DUSP16: variants seen among roughly 807,000 people sequenced by gnomAD.
DUSP16 encodes dual specificity phosphatase 16.
Under a neutral mutation model 58.3 loss-of-function variants are expected in DUSP16, and 21 were observed. The ratio of observed to expected loss-of-function variants is 0.36; its 90% CI spans 0.26 to 0.52. DUSP16 has a LOEUF of 0.52. DUSP16 is among the 20% of genes least tolerant of loss of function. The pLI is 0.94. For synonymous variants in DUSP16, 320 were observed against 323.8 expected (o/e 0.99, Z 0.12); for missense variants, 726 against 819.0 (o/e 0.89, Z 1.39).
At chr12:12,510,206 A>G (rs1273054158) in intron 3 of DUSP16, among the ~76,000 whole-genome samples, 1 of 152,144 alleles carries the variant, frequency 6.6e-6, no homozygotes, top group African/African-American at 2.4e-5. Flanking sequence ...ATTATACCCC[A>G]GATGAGGATG....
intron 4 of DUSP16, among the ~76,000 whole-genome samples, chr12:12,487,678 C>G (rs975855582): frequency 1.3e-5 from 2 of 152,034 alleles, no homozygotes; most frequent in African/African-American, 4.8e-5. Context: ...TGTGTGTGTC[C>G]TCTTAAATTT....
intron 1 of DUSP16, among the ~76,000 whole-genome samples, chr12:12,537,684 C>T (rs772593389): frequency 1.1e-4 from 16 of 152,200 alleles, no homozygotes; most frequent in Non-Finnish European, 2.4e-4. Context: ...TAATTCTCTA[C>T]TGGACAGATT....
intron 5 of DUSP16, among the ~76,000 whole-genome samples, chr12:12,483,392 CTTT>C (rs143712384): frequency 9.2e-5 from 14 of 151,770 alleles, no homozygotes. Flanking sequence ...TTTTGGTTTA[CTTT>C]TTTTCTTTTT....
chr12:12,562,580 G>C lies in DUSP16; in HGVS notation c.-829C>G, dbSNP rs1045694720. 7.1e-6 allele frequency among the ~76,000 whole-genome samples: 1 copy of C among 141,460 alleles called. No homozygotes were observed. Among genetic ancestry groups the C allele is most frequent in the South Asian group, 2.3e-4 (1 of 4,376 alleles). The allele number at this position is 141,460 out of a possible 152,430, so 92.8% of individuals were successfully genotyped here. A position where few individuals can be genotyped will look rare whatever the true frequency, so the allele number is the denominator to read the frequency against. ...GAAAGGCGGGGGGGTGGGGTGGGGG[G>C]TTGGGGGAAAGAGAAAGAGTCGCTG... On this transcript the variant is annotated 5_prime_UTR_variant, in exon 1 of 7. Coordinates refer to ENST00000298573, the MANE Select transcript of DUSP16 (RefSeq NM_030640.3).
At chr12:12,536,162 C>G (rs4421828) in intron 1 of DUSP16, among the ~76,000 whole-genome samples, 16,955 of 152,118 alleles carry the variant, frequency 0.11, 1,721 homozygotes, top group East Asian at 0.38. Context: ...AGAATGGTAA[C>G]TATAAAACCT....
At chr12:12,530,371 G>C (rs1944367000) in intron 1 of DUSP16, among the ~76,000 whole-genome samples, 1 of 152,132 alleles carries the variant, frequency 6.6e-6, no homozygotes, top group Non-Finnish European at 1.5e-5. Flanking sequence ...TCTTGCCATT[G>C]AGTTGTTGGA....
At chr12:12,537,633 CGGCATAGACCCTAA>C (rs1944487361) in intron 1 of DUSP16, among the ~76,000 whole-genome samples, 1 of 152,176 alleles carries the variant, frequency 6.6e-6, no homozygotes, top group Non-Finnish European at 1.5e-5. Flanking sequence ...ACATAGTCCA[CGGCATAGACCCTAA>C]AAATATGCTC....
chr12:12,540,010 G>T (rs1012769385), intron 1 of DUSP16, among the ~76,000 whole-genome samples: 2 of 151,838 alleles, frequency 1.3e-5, no homozygotes, highest in African/African-American at 4.8e-5. Context: ...AGCCAAGATC[G>T]CACCACTGCA....
rs916454990 is a variant in DUSP16 at position 12,482,308 on chromosome 12, TAAAAC to T, written c.692-1967_692-1963del. On this transcript the variant is annotated intron_variant, in intron 5 of 6. Coordinates refer to ENST00000298573, the MANE Select transcript of DUSP16 (RefSeq NM_030640.3). ...AAAAAAGAAGAAGGCTGGAAGGAAA[TAAAAC>T]AATGACAGTAACATGCGTTACGATG... Among the ~76,000 whole-genome samples the T allele has an allele frequency of 7.9e-5, 12 of 152,262 alleles. No individual in the cohort carries two copies. In the East Asian group the frequency reaches 2.3e-3, roughly 29 times the overall value.
chr12:12,507,758 C>T (rs550582016), intron 3 of DUSP16, among the ~76,000 whole-genome samples: 2 of 152,170 alleles, frequency 1.3e-5, no homozygotes, highest in African/African-American at 2.4e-5. Context: ...CACAGGCATG[C>T]GCCATCATGC....
intron 3 of DUSP16, among the ~76,000 whole-genome samples, chr12:12,502,019 A>G (rs992449782): frequency 6.6e-6 from 1 of 152,088 alleles, no homozygotes; most frequent in African/African-American, 2.4e-5. Context: ...AAAAAACAAC[A>G]AATAACATGT....
intron 5 of DUSP16, among the ~76,000 whole-genome samples, chr12:12,485,956 G>A (rs1442541290): frequency 6.6e-6 from 1 of 151,820 alleles, no homozygotes; most frequent in Non-Finnish European, 1.5e-5. Flanking sequence ...ACCTCGCCCA[G>A]CTAATTTTTT....
chr12:12,480,473 A>G (rs1027541979), intron 5 of DUSP16, 127 bp from the exon 6 acceptor site: 2 of 1,068,464 alleles, frequency 1.9e-6, no homozygotes, highest in Non-Finnish European at 2.6e-6. Context: ...TGTGTATATC[A>G]TATTTATCCT....
At chr12:12,490,791 TC>T (rs1943751171) in intron 4 of DUSP16, among the ~76,000 whole-genome samples, 1 of 152,218 alleles carries the variant, frequency 6.6e-6, no homozygotes, top group Non-Finnish European at 1.5e-5. Flanking sequence ...GCTCCCTTAT[TC>T]CCACCTAATT....
intron 5 of DUSP16, among the ~76,000 whole-genome samples, chr12:12,483,692 T>C (rs1385847944): frequency 2.0e-5 from 3 of 152,140 alleles, no homozygotes; most frequent in Admixed American, 2.0e-4. Flanking sequence ...AGAGGCTGTA[T>C]ATGTAGCCAG....
At chr12:12,493,335 C>T (rs1358197095) in intron 4 of DUSP16, among the ~76,000 whole-genome samples, 2 of 152,176 alleles carry the variant, frequency 1.3e-5, no homozygotes, top group African/African-American at 2.4e-5. Context: ...GCCCAAATCT[C>T]ACCATTACTG....
rs540805380 is a variant in DUSP16 at position 12,486,568 on chromosome 12, C to T, written c.691+460G>A. Reference sequence around the variant, plus strand: ...CCTGAAATTATTGGCATGTGGACCCCGGCTCAGAAACACTGACATAAAGAC... The same window carrying T: ...CCTGAAATTATTGGCATGTGGACCCTGGCTCAGAAACACTGACATAAAGAC... On this transcript the variant is annotated intron_variant, in intron 5 of 6. Transcript: ENST00000298573. Among the ~76,000 whole-genome samples, 114 of 151,480 alleles carry T rather than the reference C, an allele frequency of 7.5e-4. No homozygotes were observed. In the Middle Eastern group the frequency reaches 0.02, roughly 27 times the overall value.
chr12:12,510,222 G>C (rs1350081088), intron 3 of DUSP16, among the ~76,000 whole-genome samples: 1 of 152,134 alleles, frequency 6.6e-6, no homozygotes, highest in African/African-American at 2.4e-5. Context: ...GGATGGTGTG[G>C]CTGCTGGACA....
rs1203063320 is a variant in DUSP16 at position 12,477,198 on chromosome 12, C to T, written c.1633G>A (p.Ala545Thr). ...AGGGAAGGGGTAGAGGTCTGGGGGG[C>T]CAAGATATCCGAGTGCCAGCCCTTA... ...GLKGWHSDIL[A>T]PQTSTPSLTS... Residue 545 changes from alanine (A) to threonine (T), a missense_variant, in exon 7 of 7, where the codon GCC (alanine) becomes ACC (threonine). By Grantham distance (58) the Ala-to-Thr change is moderately conservative. Transcript: ENST00000298573. The surrounding 1 kb of genome is among the most constrained non-coding windows in gnomAD (Gnocchi z 4.1). The T allele has an allele frequency of 1.9e-6, 3 of 1,613,998 alleles. No individual in the cohort carries two copies. The highest frequency in any genetic ancestry group is 2.5e-6 in the Non-Finnish European group (3 of 1,180,010).
Sources: allele counts gnomAD v4.1 joint callset (sites outside exome capture counted in the v4.1 genomes callset), GRCh38; gene constraint gnomAD v4.1.1; non-coding constraint Gnocchi (gnomAD v3.1); transcripts MANE v1.5; gene names NCBI Gene and HGNC (gene_info 2026-07-23, HGNC 2026-07-21).